CACNA2D1: variants seen among roughly 807,000 people sequenced by gnomAD.
The protein encoded by CACNA2D1 is calcium voltage-gated channel auxiliary subunit alpha2delta 1, also known as voltage-dependent calcium channel subunit alpha-2/delta-1.
CACNA2D1 carries 53 observed loss-of-function variants against 171.5 expected under a neutral mutation model. The observed-to-expected ratio is 0.31, with a 90% CI of 0.25 to 0.39. The LOEUF is 0.39. Among genes scored for constraint, CACNA2D1 ranks in the 10% least tolerant of loss-of-function variants. The probability of loss-of-function intolerance (pLI) is 1.00; values close to 1 mark genes in which losing one functional copy is unlikely to be tolerated. For missense variants in CACNA2D1, 903 were observed against 1,299.8 expected (o/e 0.69, Z 4.69); for synonymous variants, 442 against 443.1 (o/e 1.00, Z 0.03).
At chr7:81,969,731 T>C (rs941406840) in intron 28 of CACNA2D1, 150 bp downstream of exon 28, 1 of 614,228 alleles carries the variant, frequency 1.6e-6, no homozygotes, top group Non-Finnish European at 2.9e-6. Flanking sequence ...TTCTTTTCTA[T>C]TTTCCTAATG....
intron 6 of CACNA2D1, among the ~76,000 whole-genome samples, chr7:82,114,760 G>GAAAAAAAAA (rs34240770): frequency 1.8e-4 from 19 of 103,058 alleles, no homozygotes; most frequent in African/African-American, 3.0e-4. Context: ...CGTCCCAGAA[G>GAAAAAAAAA]AAAAAAAAAA....
intron 3 of CACNA2D1, among the ~76,000 whole-genome samples, chr7:82,182,712 A>T (rs1416043962): frequency 6.6e-6 from 1 of 152,178 alleles, no homozygotes; most frequent in Non-Finnish European, 1.5e-5. Context: ...TACATGAATA[A>T]GCTTGCATAT....
Position 82,140,656 on chromosome 7 carries a change from T to C in CACNA2D1, c.355-3980A>G, listed in dbSNP as rs528168985. 5.9e-5 allele frequency among the ~76,000 whole-genome samples: 9 copies of C among 151,676 alleles called. No homozygotes were observed. The South Asian group carries it at 1.7e-3, about 28-fold the overall frequency. ...CCAAGTCTCAGTTCATATTTTCTTA[T>C]AAAAAAAAATTGCAATTGGCTGGGC... On this transcript the variant is annotated intron_variant, in intron 4 of 38. Transcript: ENST00000356860.
intron 10 of CACNA2D1, among the ~76,000 whole-genome samples, chr7:82,048,345 T>C (rs1437323817): frequency 1.3e-5 from 2 of 152,144 alleles, no homozygotes; most frequent in African/African-American, 2.4e-5. Flanking sequence ...TATTTTAAAG[T>C]GTGCAATAAA....
intron 20 of CACNA2D1, among the ~76,000 whole-genome samples, chr7:81,993,524 C>A (rs185189597): frequency 6.6e-6 from 1 of 152,134 alleles, no homozygotes; most frequent in African/African-American, 2.4e-5. Flanking sequence ...TCTGCCAAAC[C>A]CCTTACATAG....
intron 2 of CACNA2D1, among the ~76,000 whole-genome samples, chr7:82,339,332 C>T (rs890004347): frequency 6.6e-6 from 1 of 152,146 alleles, no homozygotes; most frequent in African/African-American, 2.4e-5. Flanking sequence ...TAAATTTTGA[C>T]AACCCCATTT....
At chr7:82,186,110 C>T (rs36074150) in intron 3 of CACNA2D1, among the ~76,000 whole-genome samples, 43,479 of 149,512 alleles carry the variant, frequency 0.29, 6,533 homozygotes, top group East Asian at 0.45. Flanking sequence ...GGGACAAGTT[C>T]GCGCCATTGC....
At chr7:82,062,770 C>G (rs923990103) in intron 9 of CACNA2D1, among the ~76,000 whole-genome samples, 1 of 100,016 alleles carries the variant, frequency 1.0e-5, no homozygotes, top group Non-Finnish European at 1.8e-5. Flanking sequence ...GAGACAAGCT[C>G]TTGCTCTGTT....
At chr7:82,013,805 A>T (rs1035369693) in intron 13 of CACNA2D1, among the ~76,000 whole-genome samples, 1 of 151,870 alleles carries the variant, frequency 6.6e-6, no homozygotes, top group African/African-American at 2.4e-5. Context: ...TGGATAAATT[A>T]TTAAAGATGC....
intron 7 of CACNA2D1, among the ~76,000 whole-genome samples, chr7:82,079,792 T>A (rs933411374): frequency 2.0e-5 from 3 of 151,766 alleles, no homozygotes. Context: ...TGGGGAGATG[T>A]TGGTCAAAGG....
intron 3 of CACNA2D1, among the ~76,000 whole-genome samples, chr7:82,248,667 G>A (rs1340183764): frequency 6.6e-6 from 1 of 152,128 alleles, no homozygotes; most frequent in Admixed American, 6.5e-5. Context: ...AACACAGAAT[G>A]CAGCTGCATC....
intron 1 of CACNA2D1, among the ~76,000 whole-genome samples, chr7:82,406,580 C>A (rs1827073710): frequency 6.6e-6 from 1 of 152,180 alleles, no homozygotes; most frequent in Non-Finnish European, 1.5e-5. Context: ...TTAATGATTG[C>A]CATTCTAACT....
At position 82,099,419 on chromosome 7, in the gene CACNA2D1, CTTCTTTTTTT is replaced by C. The variant is rs1812355689; in HGVS notation, c.527-14529_527-14520del. On this transcript the variant is annotated intron_variant, in intron 6 of 38. Transcript: ENST00000356860. ...CATACTCTAAAACAGGTAGCAATACCTTCTTTTTTTTTTTTTTTTTTTTTTTTTTTTTTTT... is the reference window on the plus strand; with the variant it reads ...CATACTCTAAAACAGGTAGCAATACCTTTTTTTTTTTTTTTTTTTTTTTTT... Among the ~76,000 whole-genome samples, 32 of 50,566 alleles carry C rather than the reference CTTCTTTTTTT, an allele frequency of 6.3e-4. 1 individual carries two copies. Among genetic ancestry groups the C allele is most frequent in the Non-Finnish European group, 1.0e-3 (23 of 22,504 alleles). 33.2% of individuals were successfully genotyped at this position (50,566 alleles called of 152,430 possible). A position where few individuals can be genotyped will look rare whatever the true frequency, so the allele number is the denominator to read the frequency against.
chr7:82,338,243 A>C (rs1336270735), intron 2 of CACNA2D1, among the ~76,000 whole-genome samples: 1 of 152,204 alleles, frequency 6.6e-6, no homozygotes, highest in African/African-American at 2.4e-5. Flanking sequence ...CCTCTTGGAA[A>C]TCATAATACA....
At chr7:82,187,757 A>T (rs1797910953) in intron 3 of CACNA2D1, among the ~76,000 whole-genome samples, 1 of 152,000 alleles carries the variant, frequency 6.6e-6, no homozygotes, top group South Asian at 2.1e-4. Context: ...TTGAGAGCTA[A>T]ATTTGGGCTA....
At chr7:82,360,747 A>T (rs1820998125) in intron 1 of CACNA2D1, among the ~76,000 whole-genome samples, 1 of 152,224 alleles carries the variant, frequency 6.6e-6, no homozygotes, top group Admixed American at 6.5e-5. Context: ...ATATACAAAC[A>T]AATGTATGAA....
At chr7:81,970,825 T>C in intron 26 of CACNA2D1, 88 bp from the exon 27 acceptor site, 1 of 797,736 alleles carries the variant, frequency 1.3e-6, no homozygotes, top group Non-Finnish European at 2.3e-6. Context: ...GAGAAGTAAG[T>C]TTAGGAAGTA....
chr7:82,213,743 C>T (rs534943894), intron 3 of CACNA2D1, among the ~76,000 whole-genome samples: 25 of 152,240 alleles, frequency 1.6e-4, no homozygotes, highest in African/African-American at 5.1e-4. Flanking sequence ...TGACTTGTCA[C>T]GCTGAAATTC....
intron 1 of CACNA2D1, among the ~76,000 whole-genome samples, chr7:82,434,356 T>C (rs1829945694): frequency 6.6e-6 from 1 of 152,210 alleles, no homozygotes; most frequent in Admixed American, 6.5e-5. Flanking sequence ...CTTTTATTTT[T>C]AAGTTGAGGG....
Sources: gnomAD v4.1 joint callset for allele counts (sites outside exome capture counted in the v4.1 genomes callset) on GRCh38, gnomAD v4.1.1 for gene constraint, MANE v1.5 for transcripts, NCBI Gene and HGNC (gene_info 2026-07-23, HGNC 2026-07-21) for gene names.